The following WDR6 variants were observed in gnomAD, a reference collection of about 807,000 sequenced individuals.
The protein encoded by WDR6 is WD repeat domain 6.
A neutral mutation model predicts 85.6 loss-of-function variants in WDR6; 58 were observed. The observed-to-expected ratio is 0.68, with a 90% confidence interval of 0.55 to 0.84. The LOEUF is 0.84. WDR6 is among the 40% of genes least tolerant of loss of function. The pLI, the probability that WDR6 is intolerant of heterozygous loss-of-function variation, is 0.00. For synonymous variants in WDR6, 569 were observed against 582.2 expected (o/e 0.98, Z 0.33); for missense variants, 1,310 against 1,476.4 (o/e 0.89, Z 1.85).
rs1333010340 is a variant in WDR6 at position 49,015,721 on chromosome 3, G to T, written c.*433G>T. On this transcript the variant is annotated 3_prime_UTR_variant, in exon 6 of 6. Transcript: ENST00000608424. ...TGGTCGAGGCTCCTGAAAGAGAAAG[G>T]GCCTGCTGGTCTCATCCTCTGCTTC... is the stretch of plus-strand genomic sequence containing the variant. 1 of 1,613,974 alleles carries T rather than the reference G, an allele frequency of 6.2e-7. No individual in the cohort carries two copies. The highest frequency in any genetic ancestry group is 8.5e-7 in the Non-Finnish European group (1 of 1,179,994).
Position 49,012,653 on chromosome 3 carries a change from CTA to C in WDR6, c.1121_1122del (p.Tyr374Ter). On this transcript the variant is annotated frameshift_variant, in exon 2 of 6. Transcript: ENST00000608424. LOFTEE classifies it high-confidence loss of function. This position sits in a 1 kb window ranked among gnomAD's most constrained non-coding sequence, Gnocchi z 4.4. ...TGACTGATACAGGGGCCCTGTATCTCTATGACGTCGAGGTCAAGTGCTGGGAG... is the reference window on the plus strand; with the variant it reads ...TGACTGATACAGGGGCCCTGTATCTCTGACGTCGAGGTCAAGTGCTGGGAG... ...AVTDTGALYL[Y>X]DVEVKCWEQL... 6.2e-7 allele frequency: 1 copy of C among 1,614,024 alleles called. No homozygotes were observed. Among genetic ancestry groups the C allele is most frequent in the Non-Finnish European group, 8.5e-7 (1 of 1,179,976 alleles).
rs145953012 is a variant in WDR6 at position 49,012,867 on chromosome 3, C to T, written c.1333C>T (p.Leu445=). ...PGKVHSLSWA[L]RGYEELLLLA... The stretch of plus-strand genomic sequence containing the variant: ...GAAGGTGCACAGCTTGAGCTGGGCC[C>T]TGCGTGGTTATGAGGAGCTCCTGTT... Residue 445 remains leucine (L), a synonymous_variant, in exon 2 of 6, where the codon CTG becomes TTG. Transcript: ENST00000608424. The surrounding 1 kb of genome is among the most constrained non-coding windows in gnomAD (Gnocchi z 4.4). The T allele has an allele frequency of 9.3e-6, 15 of 1,613,580 alleles. No homozygotes were observed. In the Admixed American group the frequency reaches 2.0e-4, roughly 22 times the overall value.
Position 49,014,375 on chromosome 3 carries a change from C to T in WDR6, c.2667-8C>T, listed in dbSNP as rs960685625. The stretch of plus-strand genomic sequence containing the variant: ...GCGTTCTGAGCTGGGCCACCCCCCG[C>T]CCCCCAGGCTCTTTCTTTTGCAGGA... On this transcript the variant is annotated splice_region_variant and splice_polypyrimidine_tract_variant and intron_variant, in intron 3 of 5. Coordinates refer to ENST00000608424, the MANE Select transcript of WDR6 (RefSeq NM_018031.6). This position sits in a 1 kb window ranked among gnomAD's most constrained non-coding sequence, Gnocchi z 4.9. 6 of 1,613,958 alleles carry T rather than the reference C, an allele frequency of 3.7e-6. No individual in the cohort carries two copies. Among genetic ancestry groups the T allele is most frequent in the Non-Finnish European group, 2.5e-6 (3 of 1,179,980 alleles).
Position 49,015,858 on chromosome 3 carries a change from C to A in WDR6, c.*570C>A, listed in dbSNP as rs768067749. 1.2e-6 allele frequency: 2 copies of A among 1,614,064 alleles called. No individual in the cohort carries two copies. Among genetic ancestry groups the A allele is most frequent in the African/African-American group, 1.3e-5 (1 of 74,900 alleles). ...AGCTGAAATCCATGCTGAGCTGTAC[C>A]AGGAACTTGCATATCTAGAGACAGA... On this transcript the variant is annotated 3_prime_UTR_variant, in exon 6 of 6. Coordinates refer to ENST00000608424, the MANE Select transcript of WDR6 (RefSeq NM_018031.6).
Position 49,011,803 on chromosome 3 carries a change from A to G in WDR6, c.269A>G (p.Lys90Arg). 1 of 1,614,202 alleles carries G rather than the reference A, an allele frequency of 6.2e-7. No individual in the cohort carries two copies. Among genetic ancestry groups the G allele is most frequent in the Non-Finnish European group, 8.5e-7 (1 of 1,180,042 alleles). Residue 90 changes from lysine to arginine, a missense_variant, in exon 2 of 6, where the codon AAG (lysine) becomes AGG (arginine). Transcript: ENST00000608424. ...LEAMVAVFGS[K>R]GLRVVKISWG... ...GCCATGGTGGCTGTGTTTGGAAGCA[A>G]GGGACTCCGAGTTGTGAAAATTAGC...
rs140457543 is a variant in WDR6, at chr3:49,012,719, G to C, written c.1185G>C (p.Leu395=). The part of the protein sequence containing the change: ...LEDKHFQSYC[L]LEAAPGPEGF... The stretch of plus-strand genomic sequence containing the variant: ...ATAAACATTTCCAGTCCTACTGCCT[G>C]CTGGAGGCAGCTCCTGGTCCCGAGG... The change falls in exon 2 of 6, where the codon CTG becomes CTC. Residue 395 remains leucine (L), a synonymous_variant. Coordinates refer to ENST00000608424, the MANE Select transcript of WDR6 (RefSeq NM_018031.6). The surrounding 1 kb of genome is among the most constrained non-coding windows in gnomAD (Gnocchi z 4.4). 8.7e-6 allele frequency: 14 copies of C among 1,613,894 alleles called. No individual in the cohort carries two copies. In the African/African-American group the frequency reaches 1.7e-4, roughly 20 times the overall value.
In WDR6 at chr3:49,015,360, C is replaced by G. The variant is rs1331213481; in HGVS notation, c.*72C>G. ...ACAGCATGGAGCAGGGATGGGCTGT[C>G]TGTGCCCATGCTCAGCATGCCTTGA... On this transcript the variant is annotated 3_prime_UTR_variant, in exon 6 of 6. Coordinates refer to ENST00000608424, the MANE Select transcript of WDR6 (RefSeq NM_018031.6). 5 of 1,534,286 alleles carry G rather than the reference C, an allele frequency of 3.3e-6. No homozygotes were observed. The highest frequency in any genetic ancestry group is 4.4e-6 in the Non-Finnish European group (5 of 1,131,362).
Position 49,012,511 on chromosome 3 carries a change from A to G in WDR6, c.977A>G (p.His326Arg). Residue 326 changes from histidine to arginine, a missense_variant, in exon 2 of 6, where the codon CAC becomes CGC. Physicochemically the swap from His to Arg is conservative, Grantham distance 29. Coordinates refer to ENST00000608424, the MANE Select transcript of WDR6 (RefSeq NM_018031.6). The surrounding 1 kb of genome is among the most constrained non-coding windows in gnomAD (Gnocchi z 4.4). ...GGDDSGIRLW[H>R]LVGRGYRGLG... Reference sequence around the variant, plus strand: ...GATGACTCAGGCATTCGGCTGTGGCACTTGGTAGGGCGTGGGTACCGGGGA... The same window carrying G: ...GATGACTCAGGCATTCGGCTGTGGCGCTTGGTAGGGCGTGGGTACCGGGGA... 6.2e-7 allele frequency: 1 copy of G among 1,614,084 alleles called. No individual in the cohort carries two copies. The highest frequency in any genetic ancestry group is 8.5e-7 in the Non-Finnish European group (1 of 1,180,014).
Position 49,012,067 on chromosome 3 carries a change from G to T in WDR6, c.533G>T (p.Gly178Val). ...TGGAAGGAGCTGACCATAGTGGCAG[G>T]TGCTGTTTCCAACCAGCTCTTGGTC... ...DAWKELTIVA[G>V]AVSNQLLVWY... Residue 178 changes from glycine (G) to valine (V), a missense_variant, in exon 2 of 6, where the codon GGT becomes GTT. Physicochemically the swap from Gly to Val is moderately radical, Grantham distance 109. Transcript: ENST00000608424. This position sits in a 1 kb window ranked among gnomAD's most constrained non-coding sequence, Gnocchi z 4.4. 1 of 1,613,910 alleles carries T rather than the reference G, an allele frequency of 6.2e-7. No homozygotes were observed. Among genetic ancestry groups the T allele is most frequent in the Non-Finnish European group, 8.5e-7 (1 of 1,180,012 alleles).
In WDR6 at chr3:49,007,550, C is replaced by CA; in HGVS notation, c.100+20dup. On this transcript the variant is annotated intron_variant, in intron 1 of 5. Transcript: ENST00000608424. This position sits in a 1 kb window ranked among gnomAD's most constrained non-coding sequence, Gnocchi z 5.1. ...TTGGCGGGTGAGGCTTGGCTTGAGGCACGCCTGGTGGAAAGGGGGAAAGAA... is the reference window on the plus strand; with the variant it reads ...TTGGCGGGTGAGGCTTGGCTTGAGGCAACGCCTGGTGGAAAGGGGGAAAGAA... 1 of 1,574,066 alleles carries CA rather than the reference C, an allele frequency of 6.4e-7. No homozygotes were observed. The highest frequency in any genetic ancestry group is 1.7e-5 in the Admixed American group (1 of 57,730).
chr3:49,013,175 T>C lies in WDR6; in HGVS notation c.1641T>C (p.Ser547=), dbSNP rs779380411. The C allele has an allele frequency of 6.2e-7, 1 of 1,611,710 alleles. No homozygotes were observed. Among genetic ancestry groups the C allele is most frequent in the Non-Finnish European group, 8.5e-7 (1 of 1,178,774 alleles). ...GAGAPVVGSG[S]SGGGNAFTGL... is the part of the protein sequence containing the mutation. ...GGGCACCTGTAGTGGGTAGTGGTAG[T>C]AGTGGGGGTGGGAATGCTTTCACTG... The change falls in exon 2 of 6, where the codon AGT becomes AGC. Residue 547 remains serine (S), a synonymous_variant. Coordinates refer to ENST00000608424, the MANE Select transcript of WDR6 (RefSeq NM_018031.6). This position sits in a 1 kb window ranked among gnomAD's most constrained non-coding sequence, Gnocchi z 4.6.
rs758153972 is a variant in WDR6 at position 49,012,173 on chromosome 3, C to G, written c.639C>G (p.Phe213Leu). ...TCAGTGGGCATGTGGGCATCATCTT[C>G]AGCATGTCATACCTGGAAAGCAAGG... The part of the protein sequence containing the change: ...RRISGHVGII[F>L]SMSYLESKGL... Residue 213 changes from phenylalanine (F) to leucine (L), a missense_variant, in exon 2 of 6, where the codon TTC becomes TTG. By Grantham distance (22) the Phe-to-Leu change is conservative. Transcript: ENST00000608424. The surrounding 1 kb of genome is among the most constrained non-coding windows in gnomAD (Gnocchi z 4.4). 6.2e-7 allele frequency: 1 copy of G among 1,614,232 alleles called. No individual in the cohort carries two copies. Among genetic ancestry groups the G allele is most frequent in the South Asian group, 1.1e-5 (1 of 91,084 alleles).
In WDR6 at chr3:49,014,866, G is replaced by A; in HGVS notation, c.2944G>A (p.Gly982Ser). 1 of 1,611,630 alleles carries A rather than the reference G, an allele frequency of 6.2e-7. No homozygotes were observed. Among genetic ancestry groups the A allele is most frequent in the Non-Finnish European group, 8.5e-7 (1 of 1,178,158 alleles). Residue 982 changes from glycine (G) to serine (S), a missense_variant, in exon 6 of 6, where the codon GGT (glycine) becomes AGT (serine). Physicochemically the swap from Gly to Ser is moderately conservative, Grantham distance 56 (BLOSUM62 0). Transcript: ENST00000608424. This position sits in a 1 kb window ranked among gnomAD's most constrained non-coding sequence, Gnocchi z 4.9. ...CCTGACTCTCCAGGCCCACAGCTGTGGTATCAACAGCCTGCACACCTTGCC... is the reference window on the plus strand; with the variant it reads ...CCTGACTCTCCAGGCCCACAGCTGTAGTATCAACAGCCTGCACACCTTGCC... ...PSLTLQAHSC[G>S]INSLHTLPTR...
chr3:49,010,030 A>G (rs1224679519), intron 1 of WDR6, among the ~76,000 whole-genome samples: 5 of 138,820 alleles, frequency 3.6e-5, no homozygotes, highest in African/African-American at 1.1e-4. Flanking sequence ...CCCCATCTCT[A>G]TTTTTTTTTT....
Position 49,011,933 on chromosome 3 carries a change from G to C in WDR6, c.399G>C (p.Leu133=). 1 of 1,614,190 alleles carries C rather than the reference G, an allele frequency of 6.2e-7. No homozygotes were observed. The highest frequency in any genetic ancestry group is 8.5e-7 in the Non-Finnish European group (1 of 1,180,032). ...RWLEGNIALA[L]GHNSVVLYDP... ...TTGAGGGAAATATAGCCTTGGCCCT[G>C]GGCCACAACTCAGTGGTGCTATATG... Residue 133 remains leucine (L), a synonymous_variant, in exon 2 of 6, where the codon CTG becomes CTC. Transcript: ENST00000608424.
rs1447217550 is a variant in WDR6 at position 49,014,471 on chromosome 3, T to C, written c.2755T>C (p.Phe919Leu). ...HKRCVLKVHSFTHEAPNQRRR... is the reference protein window; with the variant it reads ...HKRCVLKVHSLTHEAPNQRRR... ...GCGATGTGTCCTCAAGGTCCACTCC[T>C]TTACACACGAGGCACCCAACCAGAG... The change falls in exon 4 of 6, where the codon TTT becomes CTT. Residue 919 changes from phenylalanine (F) to leucine (L), a missense_variant. Coordinates refer to ENST00000608424, the MANE Select transcript of WDR6 (RefSeq NM_018031.6). This position sits in a 1 kb window ranked among gnomAD's most constrained non-coding sequence, Gnocchi z 4.9. 1 of 1,613,990 alleles carries C rather than the reference T, an allele frequency of 6.2e-7. No homozygotes were observed. Among genetic ancestry groups the C allele is most frequent in the Non-Finnish European group, 8.5e-7 (1 of 1,180,010 alleles).
rs766148217 is a variant in WDR6 at position 49,012,259 on chromosome 3, G to A, written c.725G>A (p.Arg242Gln). ...SVRIWKVGDL[R>Q]VPGGRVQNIG... is the part of the protein sequence containing the mutation. Reference sequence around the variant, plus strand: ...CGTATCTGGAAGGTGGGCGACCTGCGAGTGCCTGGGGGTCGGGTGCAGAAT... The same window carrying A: ...CGTATCTGGAAGGTGGGCGACCTGCAAGTGCCTGGGGGTCGGGTGCAGAAT... Residue 242 changes from arginine to glutamine, a missense_variant, in exon 2 of 6, where the codon CGA (arginine) becomes CAA (glutamine). By Grantham distance (43) the Arg-to-Gln change is conservative. Transcript: ENST00000608424. This position sits in a 1 kb window ranked among gnomAD's most constrained non-coding sequence, Gnocchi z 4.4. 1.2e-5 allele frequency: 20 copies of A among 1,614,250 alleles called. No individual in the cohort carries two copies. The highest frequency in any genetic ancestry group is 1.4e-5 in the Non-Finnish European group (17 of 1,180,048).
chr3:49,015,183 T>C lies in WDR6; in HGVS notation c.3261T>C (p.His1087=), dbSNP rs769877950. 5.0e-6 allele frequency: 8 copies of C among 1,613,800 alleles called. No individual in the cohort carries two copies. The Admixed American group carries it at 5.0e-5, about 10-fold the overall frequency. Residue 1087 remains histidine (H), a synonymous_variant, in exon 6 of 6, where the codon CAT becomes CAC. Coordinates refer to ENST00000608424, the MANE Select transcript of WDR6 (RefSeq NM_018031.6). Reference sequence around the variant, plus strand: ...CCTTCATGAATAGCACTGTGTTCCATGTGCCTGATGTGGCTGACATGGACT... The same window carrying C: ...CCTTCATGAATAGCACTGTGTTCCACGTGCCTGATGTGGCTGACATGGACT... ...EPTFMNSTVF[H]VPDVADMDCW... is the part of the protein sequence containing the mutation.
Position 49,013,214 on chromosome 3 carries a change from G to A in WDR6, c.1680G>A (p.Val560=). Residue 560 remains valine, a synonymous_variant, in exon 2 of 6, where the codon GTG becomes GTA. Transcript: ENST00000608424. This position sits in a 1 kb window ranked among gnomAD's most constrained non-coding sequence, Gnocchi z 4.6. ...ATGCTTTCACTGGGTTGGGCCCAGTGTCTACCCTGCCCTCTCTGCACGGGA... is the reference window on the plus strand; with the variant it reads ...ATGCTTTCACTGGGTTGGGCCCAGTATCTACCCTGCCCTCTCTGCACGGGA... ...GGNAFTGLGP[V]STLPSLHGKQ... 1 of 1,613,898 alleles carries A rather than the reference G, an allele frequency of 6.2e-7. No individual in the cohort carries two copies. The highest frequency in any genetic ancestry group is 8.5e-7 in the Non-Finnish European group (1 of 1,179,970).
Sources: allele counts gnomAD v4.1 joint callset (sites outside exome capture counted in the v4.1 genomes callset), GRCh38; gene constraint gnomAD v4.1.1; non-coding constraint Gnocchi (gnomAD v3.1); transcripts MANE v1.5; gene names NCBI Gene and HGNC (gene_info 2026-07-23, HGNC 2026-07-21).